The following ALOX12B variants were observed in gnomAD, a reference collection of about 807,000 sequenced individuals.
The protein encoded by ALOX12B is arachidonate 12-lipoxygenase, 12R type.
ALOX12B carries 47 observed loss-of-function variants against 78.9 expected under a neutral mutation model. That is an observed-to-expected ratio of 0.60 (90% CI 0.47 to 0.76). The LOEUF is 0.76. Among genes scored for constraint, ALOX12B ranks in the 30% least tolerant of loss-of-function variants. The pLI is 0.00. For synonymous variants in ALOX12B, 370 were observed against 374.5 expected, an observed-to-expected ratio of 0.99 and a Z score of 0.14; for missense variants, 805 against 922.6, an observed-to-expected ratio of 0.87 and a Z score of 1.65.
chr17:8,074,458 C>T (rs934456061), intron 12 of ALOX12B, among the ~76,000 whole-genome samples: 2 of 151,848 alleles, frequency 1.3e-5, no homozygotes, highest in Non-Finnish European at 2.9e-5. Flanking sequence ...TTGGCCCCTC[C>T]CTCCCCTCCT....
Position 8,080,078 on chromosome 17 carries a change from C to T in ALOX12B, c.755-137G>A, listed in dbSNP as rs771390670. On this transcript the variant is annotated intron_variant, in intron 6 of 14. Transcript: ENST00000647874. The surrounding 1 kb of genome is among the most constrained non-coding windows in gnomAD (Gnocchi z 4.8). ...GGCCCCCAGCCTGGCGCTGAGCGGC[C>T]GGAGGAGCCCGGTGCGACATTTTCC... 7 of 1,480,066 alleles carry T rather than the reference C, an allele frequency of 4.7e-6. No individual in the cohort carries two copies. The highest frequency in any genetic ancestry group is 6.5e-6 in the Non-Finnish European group (7 of 1,069,330). 91.7% of individuals were successfully genotyped at this position (1,480,066 alleles called of 1,614,324 possible). A position where few individuals can be genotyped will look rare whatever the true frequency, so the allele number is the denominator to read the frequency against.
chr17:8,077,833 A>T (rs961113080), intron 8 of ALOX12B, among the ~76,000 whole-genome samples: 1 of 152,220 alleles, frequency 6.6e-6, no homozygotes, highest in African/African-American at 2.4e-5. Flanking sequence ...CAAAGAGACA[A>T]GCACACCCCA....
Position 8,080,450 on chromosome 17 carries a change from G to T in ALOX12B, c.651-112C>A, listed in dbSNP as rs755589769. On this transcript the variant is annotated intron_variant, in intron 5 of 14. Coordinates refer to ENST00000647874, the MANE Select transcript of ALOX12B (RefSeq NM_001139.3). This position sits in a 1 kb window ranked among gnomAD's most constrained non-coding sequence, Gnocchi z 4.8. ...GGTCTCTGGGTCTCAGGGTCTGTGC[G>T]TCGCAAAGTCTCTGGGTCCCATGTC... is the stretch of plus-strand genomic sequence containing the variant. 1.4e-6 allele frequency: 2 copies of T among 1,411,598 alleles called. No homozygotes were observed. Among genetic ancestry groups the T allele is most frequent in the African/African-American group, 1.4e-5 (1 of 70,456 alleles). 87.4% of individuals were successfully genotyped at this position (1,411,598 alleles called of 1,614,324 possible).
intron 2 of ALOX12B, among the ~76,000 whole-genome samples, chr17:8,083,380 G>A (rs1328440590): frequency 1.3e-5 from 2 of 152,162 alleles, no homozygotes; most frequent in Non-Finnish European, 2.9e-5. Context: ...TGGGGACAAG[G>A]CTGGATTTGC....
intron 2 of ALOX12B, among the ~76,000 whole-genome samples, chr17:8,084,980 C>G (rs1978292488): frequency 1.3e-5 from 2 of 152,198 alleles, no homozygotes; most frequent in Non-Finnish European, 2.9e-5. Flanking sequence ...AGTAACCAAG[C>G]AAGTGGAAAA....
chr17:8,081,132 C>T lies in ALOX12B; in HGVS notation c.408G>A (p.Glu136=). 6.2e-7 allele frequency: 1 copy of T among 1,613,810 alleles called. No individual in the cohort carries two copies. Among genetic ancestry groups the T allele is most frequent in the East Asian group, 2.2e-5 (1 of 44,866 alleles). Residue 136 remains glutamate, a synonymous_variant, in exon 3 of 15, where the codon GAG becomes GAA. Coordinates refer to ENST00000647874, the MANE Select transcript of ALOX12B (RefSeq NM_001139.3). ...GGTAGAAGTCCTGCTTGGCTCTGAT[C>T]TCCTCTTTTCTGTGCTCCAGGAGGA... ...LPVLLEHRKE[E]IRAKQDFYHW...
chr17:8,080,420 A>T lies in ALOX12B; in HGVS notation c.651-82T>A. 6.6e-7 allele frequency: 1 copy of T among 1,507,400 alleles called. No homozygotes were observed. Among genetic ancestry groups the T allele is most frequent in the Non-Finnish European group, 9.2e-7 (1 of 1,083,798 alleles). 93.4% of individuals were successfully genotyped at this position (1,507,400 alleles called of 1,614,324 possible). On this transcript the variant is annotated intron_variant, in intron 5 of 14. Coordinates refer to ENST00000647874, the MANE Select transcript of ALOX12B (RefSeq NM_001139.3). The surrounding 1 kb of genome is among the most constrained non-coding windows in gnomAD (Gnocchi z 4.8). ...GGCAGGTGGCGGGGCCGCCCCATCCACTTAGGTCTCTGGGTCTCAGGGTCT... is the reference window on the plus strand; with the variant it reads ...GGCAGGTGGCGGGGCCGCCCCATCCTCTTAGGTCTCTGGGTCTCAGGGTCT...
chr17:8,087,182 C>A, intron 1 of ALOX12B, 114 bp downstream of exon 1: 7 of 1,477,190 alleles, frequency 4.7e-6, no homozygotes, highest in Non-Finnish European at 6.5e-6. Flanking sequence ...TCCCCCTGCG[C>A]ACCTTCACCC....
intron 8 of ALOX12B, among the ~76,000 whole-genome samples, chr17:8,078,102 C>A (rs1237570505): frequency 6.6e-6 from 1 of 151,150 alleles, no homozygotes; most frequent in Non-Finnish European, 1.5e-5. Context: ...CAGAAAGGAT[C>A]TATTTTATTT....
In ALOX12B at chr17:8,080,206, T is replaced by TG; in HGVS notation, c.754+28dup. On this transcript the variant is annotated intron_variant, in intron 6 of 14. Coordinates refer to ENST00000647874, the MANE Select transcript of ALOX12B (RefSeq NM_001139.3). This position sits in a 1 kb window ranked among gnomAD's most constrained non-coding sequence, Gnocchi z 4.8. ...ACGCCGGAGACCGCCTGGCTCCCCC[T>TG]GCTCGATCCGGGACGCCCCATTCCA... 1 of 1,609,324 alleles carries TG rather than the reference T, an allele frequency of 6.2e-7. No homozygotes were observed. The highest frequency in any genetic ancestry group is 8.5e-7 in the Non-Finnish European group (1 of 1,175,630).
chr17:8,072,661 T>G lies in ALOX12B; in HGVS notation c.*110A>C. The G allele has an allele frequency of 6.9e-7, 1 of 1,452,356 alleles. No homozygotes were observed. Among genetic ancestry groups the G allele is most frequent in the South Asian group, 1.2e-5 (1 of 85,438 alleles). The allele number at this position is 1,452,356 out of a possible 1,614,324, so 90.0% of individuals were successfully genotyped here. On this transcript the variant is annotated 3_prime_UTR_variant, in exon 15 of 15. Coordinates refer to ENST00000647874, the MANE Select transcript of ALOX12B (RefSeq NM_001139.3). ...GAAAGGAAGGTTTTTTGTTTTTTTG[T>G]TTGTTTGGTGTTTTGGTCTCTGAGG...
intron 3 of ALOX12B, 48 bp from the exon 4 acceptor site, chr17:8,081,024 G>C: frequency 6.2e-7 from 1 of 1,613,478 alleles, no homozygotes; most frequent in East Asian, 2.2e-5. Flanking sequence ...CACCACCCCA[G>C]GGCAAAGGGC....
chr17:8,081,271 C>A, intron 2 of ALOX12B, 84 bp from the exon 3 acceptor site: 1 of 1,427,508 alleles, frequency 7.0e-7, no homozygotes, highest in East Asian at 2.3e-5. Flanking sequence ...TTCTGTGCCC[C>A]AGGTCGTCTC....
Position 8,080,498 on chromosome 17 carries a change from T to A in ALOX12B, c.650+160A>T. Reference sequence around the variant, plus strand: ...GTCTCAAGATCTTTGCATCTCTAGGTCTCTGGGATCATGTCTCAGGTTTTC... The same window carrying A: ...GTCTCAAGATCTTTGCATCTCTAGGACTCTGGGATCATGTCTCAGGTTTTC... On this transcript the variant is annotated intron_variant, in intron 5 of 14. Coordinates refer to ENST00000647874, the MANE Select transcript of ALOX12B (RefSeq NM_001139.3). This position sits in a 1 kb window ranked among gnomAD's most constrained non-coding sequence, Gnocchi z 4.8. 7.2e-7 allele frequency: 1 copy of A among 1,382,042 alleles called. No individual in the cohort carries two copies. Among genetic ancestry groups the A allele is most frequent in the Admixed American group, 1.9e-5 (1 of 52,280 alleles). The allele number at this position is 1,382,042 out of a possible 1,614,324, so 85.6% of individuals were successfully genotyped here.
intron 12 of ALOX12B, 130 bp downstream of exon 12, chr17:8,075,465 A>T: frequency 6.9e-7 from 1 of 1,452,122 alleles, no homozygotes; most frequent in Non-Finnish European, 9.5e-7. Flanking sequence ...ATCCTAGGGC[A>T]GCAATTTGGT....
Position 8,079,019 on chromosome 17 carries a change from T to C in ALOX12B, c.1071+377A>G, listed in dbSNP as rs901691356. ...TTCACGCCATTTTCCTGCCTCAGCC[T>C]CCCGAGTAGCTGGGACTACAGGCGC... On this transcript the variant is annotated intron_variant, in intron 8 of 14. Coordinates refer to ENST00000647874, the MANE Select transcript of ALOX12B (RefSeq NM_001139.3). The surrounding 1 kb of genome is among the most constrained non-coding windows in gnomAD (Gnocchi z 6.4). Among the ~76,000 whole-genome samples the C allele has an allele frequency of 3.3e-5, 5 of 149,852 alleles. No homozygotes were observed. The highest frequency in any genetic ancestry group is 7.4e-5 in the Non-Finnish European group (5 of 67,640).
intron 1 of ALOX12B, among the ~76,000 whole-genome samples, chr17:8,086,946 A>G (rs1384112282): frequency 6.6e-6 from 1 of 152,088 alleles, no homozygotes; most frequent in Non-Finnish European, 1.5e-5. Flanking sequence ...GAGAGGGCTG[A>G]GGAAGAGGGA....
chr17:8,086,068 G>A lies in ALOX12B; in HGVS notation c.300C>T (p.Pro100=), dbSNP rs1211159703. The change falls in exon 2 of 15, where the codon CCC becomes CCT. Residue 100 remains proline (P), a synonymous_variant. Transcript: ENST00000647874. ...CAPNGRIYHF[P]AYQWMDGYET... The stretch of plus-strand genomic sequence containing the variant: ...CGTAGCCATCCATCCACTGGTAGGC[G>A]GGGAAGTGGTAGATACGGCCGTTGG... The A allele has an allele frequency of 1.5e-5, 25 of 1,614,056 alleles. No individual in the cohort carries two copies. Among genetic ancestry groups the A allele is most frequent in the Admixed American group, 6.7e-5 (4 of 60,006 alleles).
At position 8,079,613 on chromosome 17, in the gene ALOX12B, G is replaced by C; in HGVS notation, c.928-74C>G. ...CCGTGACCCGCGCCGCAGGTGCACA[G>C]GGCGCTGGCGACTAGGGGCAGGGGT... On this transcript the variant is annotated intron_variant, in intron 7 of 14. Coordinates refer to ENST00000647874, the MANE Select transcript of ALOX12B (RefSeq NM_001139.3). This position sits in a 1 kb window ranked among gnomAD's most constrained non-coding sequence, Gnocchi z 6.4. 1 of 1,540,214 alleles carries C rather than the reference G, an allele frequency of 6.5e-7. No individual in the cohort carries two copies. The highest frequency in any genetic ancestry group is 2.0e-5 in the Admixed American group (1 of 50,690).
Sources: gnomAD v4.1 joint callset for allele counts (sites outside exome capture counted in the v4.1 genomes callset) on GRCh38, gnomAD v4.1.1 for gene constraint, Gnocchi (gnomAD v3.1) non-coding constraint, MANE v1.5 for transcripts, NCBI Gene and HGNC (gene_info 2026-07-23, HGNC 2026-07-21) for gene names.